The following ZNF276 variants were observed in gnomAD, a reference collection of about 807,000 sequenced individuals.
ZNF276 encodes centromere protein Z.
A neutral mutation model predicts 63.9 loss-of-function variants in ZNF276; 59 were observed. That is an observed-to-expected ratio of 0.92 (90% confidence interval 0.75 to 1.15). The LOEUF is 1.15. ZNF276 is among the 50% of genes most tolerant of loss of function. The pLI, the probability that ZNF276 is intolerant of heterozygous loss-of-function variation, is 0.00. For synonymous variants in ZNF276, 496 were observed against 348.4 expected (o/e 1.42, Z -4.72); for missense variants, 1,084 against 843.8 (o/e 1.28, Z -3.53).
rs954195050 is a variant in ZNF276 at position 89,728,619 on chromosome 16, G to T, written c.1086-616G>T. Reference sequence around the variant, plus strand: ...GGGTTTCACTTTGTTAGCCGGGATGGTCTTGATCTCCTGACCTCGTGATCC... The same window carrying T: ...GGGTTTCACTTTGTTAGCCGGGATGTTCTTGATCTCCTGACCTCGTGATCC... On this transcript the variant is annotated intron_variant, in intron 5 of 10. Coordinates refer to ENST00000443381, the MANE Select transcript of ZNF276 (RefSeq NM_001113525.2). Among the ~76,000 whole-genome samples, 12 of 151,978 alleles carry T rather than the reference G, an allele frequency of 7.9e-5. 1 individual carries two copies. The highest frequency in any genetic ancestry group is 5.9e-4 in the Admixed American group (9 of 15,256).
Position 89,740,770 on chromosome 16 carries a change from G to A in ZNF276, c.*2524G>A. The A allele has an allele frequency of 1.2e-6, 2 of 1,602,312 alleles. No homozygotes were observed. Among genetic ancestry groups the A allele is most frequent in the Non-Finnish European group, 1.7e-6 (2 of 1,170,618 alleles). On this transcript the variant is annotated 3_prime_UTR_variant, in exon 11 of 11. Transcript: ENST00000443381. ...GGTGCCCCTGCCTGGCCCACAGTGG[G>A]AGAGGACACCTTGGCTGGTAAGGTC...
chr16:89,724,555 G>A (rs898488267), intron 4 of ZNF276, among the ~76,000 whole-genome samples: 3 of 152,202 alleles, frequency 2.0e-5, no homozygotes, highest in Admixed American at 6.5e-5. Flanking sequence ...GCTGAGGCAC[G>A]AGAATCACTT....
intron 9 of ZNF276, among the ~76,000 whole-genome samples, chr16:89,737,114 A>G (rs1472553495): frequency 6.6e-6 from 1 of 152,108 alleles, no homozygotes; most frequent in African/African-American, 2.4e-5. Context: ...CAGTACAGCA[A>G]TGCATACCCC....
At chr16:89,721,535 C>A, upstream of ZNF276, 1 of 1,200,588 alleles carries the variant, frequency 8.3e-7, no homozygotes, top group Non-Finnish European at 1.1e-6. Context: ...CGCCCCTCCC[C>A]CGCCCCGCCT....
rs777592492 is a variant in ZNF276 at position 89,738,138 on chromosome 16, G to A, written c.1737G>A (p.Leu579=). ...LNVHMSMVHP[L]TQTQDKALPL... is the part of the protein sequence containing the mutation. Reference sequence around the variant, plus strand: ...TACACATGTCCATGGTGCACCCGCTGACACAGACCCAGGACAAGGCCCTGC... The same window carrying A: ...TACACATGTCCATGGTGCACCCGCTAACACAGACCCAGGACAAGGCCCTGC... Residue 579 remains leucine (L), a synonymous_variant, in exon 11 of 11, where the codon CTG becomes CTA. Coordinates refer to ENST00000443381, the MANE Select transcript of ZNF276 (RefSeq NM_001113525.2). The A allele has an allele frequency of 9.9e-6, 16 of 1,613,558 alleles. No individual in the cohort carries two copies. In the Admixed American group the frequency reaches 2.2e-4, roughly 22 times the overall value.
chr16:89,730,694 G>A (rs556111978), intron 6 of ZNF276, among the ~76,000 whole-genome samples: 32 of 152,200 alleles, frequency 2.1e-4, no homozygotes, highest in Non-Finnish European at 3.4e-4. Context: ...CTGGGTGGTA[G>A]CAAGCATGGC....
In ZNF276 at chr16:89,739,698, C is replaced by T. The variant is rs145860920; in HGVS notation, c.*1452C>T. 7 of 1,513,806 alleles carry T rather than the reference C, an allele frequency of 4.6e-6. No homozygotes were observed. The highest frequency in any genetic ancestry group is 6.2e-6 in the Non-Finnish European group (7 of 1,126,866). The allele number at this position is 1,513,806 out of a possible 1,614,324, so 93.8% of individuals were successfully genotyped here. On this transcript the variant is annotated 3_prime_UTR_variant, in exon 11 of 11. Transcript: ENST00000443381. ...GGCGAACAGCCTGAGCTGAGGATACCCAGGTACCTGTCAGCAGCTGGGAGA... is the reference window on the plus strand; with the variant it reads ...GGCGAACAGCCTGAGCTGAGGATACTCAGGTACCTGTCAGCAGCTGGGAGA...
chr16:89,733,566 T>C lies in ZNF276; in HGVS notation c.1356+9T>C. 1 of 1,613,604 alleles carries C rather than the reference T, an allele frequency of 6.2e-7. No homozygotes were observed. Reference sequence around the variant, plus strand: ...GCGCTGACGGCATGAAGGTGAGCACTGGCTGTGCCTGACCCAGGCCCGGCA... The same window carrying C: ...GCGCTGACGGCATGAAGGTGAGCACCGGCTGTGCCTGACCCAGGCCCGGCA... On this transcript the variant is annotated intron_variant, in intron 8 of 10. Coordinates refer to ENST00000443381, the MANE Select transcript of ZNF276 (RefSeq NM_001113525.2).
At chr16:89,730,307 G>A (rs1291995799) in intron 6 of ZNF276, among the ~76,000 whole-genome samples, 16 of 152,122 alleles carry the variant, frequency 1.1e-4, no homozygotes, top group Admixed American at 4.6e-4. Context: ...TGGGAGTGCC[G>A]CCTGAGGCTG....
At chr16:89,723,752 C>A in intron 4 of ZNF276, 43 bp downstream of exon 4, 1 of 1,564,994 alleles carries the variant, frequency 6.4e-7, no homozygotes, top group South Asian at 1.1e-5. Flanking sequence ...GATGTGTGCT[C>A]CTCAGTGGGG....
rs1481270156 is a variant in ZNF276, at chr16:89,739,779, C to CCGA, written c.*1534_*1535insGAC. 6.8e-7 allele frequency: 1 copy of CCGA among 1,470,300 alleles called. No individual in the cohort carries two copies. Among genetic ancestry groups the CCGA allele is most frequent in the African/African-American group, 1.4e-5 (1 of 71,184 alleles). 91.1% of individuals were successfully genotyped at this position (1,470,300 alleles called of 1,614,324 possible). A position where few individuals can be genotyped will look rare whatever the true frequency, so the allele number is the denominator to read the frequency against. Reference sequence around the variant, plus strand: ...TGGGTGTGGTGCAGAGAGAGGCAGTCCCCATGATAGGCCCATTGGTCCTGG... The same window carrying CCGA: ...TGGGTGTGGTGCAGAGAGAGGCAGTCCGACCCATGATAGGCCCATTGGTCCTGG... On this transcript the variant is annotated 3_prime_UTR_variant, in exon 11 of 11. Coordinates refer to ENST00000443381, the MANE Select transcript of ZNF276 (RefSeq NM_001113525.2).
At chr16:89,725,995 G>A (rs1256912236) in intron 4 of ZNF276, among the ~76,000 whole-genome samples, 3 of 151,926 alleles carry the variant, frequency 2.0e-5, no homozygotes, top group Non-Finnish European at 2.9e-5. Flanking sequence ...TCGCTCTGTC[G>A]CCACCAGGCC....
In ZNF276 at chr16:89,723,440, C is replaced by T. The variant is rs1245386436; in HGVS notation, c.737C>T (p.Ser246Phe). The change falls in exon 4 of 11, where the codon TCC (serine) becomes TTC (phenylalanine). Residue 246 changes from serine to phenylalanine, a missense_variant. Physicochemically the swap from Ser to Phe is radical, Grantham distance 155 (BLOSUM62 -2). Coordinates refer to ENST00000443381, the MANE Select transcript of ZNF276 (RefSeq NM_001113525.2). ...QGHDYTMDTS[S>F]SCKAFLLDSA... ...CACGACTACACCATGGATACCAGCT[C>T]CAGCTGCAAGGCCTTCTTGCTGGAC... is the stretch of plus-strand genomic sequence containing the variant. The T allele has an allele frequency of 1.2e-6, 2 of 1,613,076 alleles. No homozygotes were observed. Among genetic ancestry groups the T allele is most frequent in the Admixed American group, 1.7e-5 (1 of 60,028 alleles).
chr16:89,727,684 C>G (rs931477027), intron 5 of ZNF276, among the ~76,000 whole-genome samples: 1 of 152,182 alleles, frequency 6.6e-6, no homozygotes, highest in African/African-American at 2.4e-5. Context: ...CCAGAGGGAG[C>G]CTGATAGGGT....
At position 89,740,157 on chromosome 16, in the gene ZNF276, GA is replaced by G. The variant is rs1351452695; in HGVS notation, c.*1912del. The G allele has an allele frequency of 3.0e-6, 4 of 1,351,156 alleles. No individual in the cohort carries two copies. The East Asian group carries it at 6.9e-5, about 23-fold the overall frequency. The allele number at this position is 1,351,156 out of a possible 1,614,324, so 83.7% of individuals were successfully genotyped here. A position where few individuals can be genotyped will look rare whatever the true frequency, so the allele number is the denominator to read the frequency against. On this transcript the variant is annotated 3_prime_UTR_variant, in exon 11 of 11. Coordinates refer to ENST00000443381, the MANE Select transcript of ZNF276 (RefSeq NM_001113525.2). ...GCCGACCTGGTGCTCCCATGGGTAG[GA>G]GGGTACAGCCCTCAGCACAGAAGAG...
At chr16:89,724,755 G>C (rs967024854) in intron 4 of ZNF276, among the ~76,000 whole-genome samples, 2 of 152,212 alleles carry the variant, frequency 1.3e-5, no homozygotes, top group African/African-American at 4.8e-5. Context: ...TCACATCTTA[G>C]AGCTGCTTGG....
At chr16:89,732,099 T>C (rs757394228) in intron 6 of ZNF276, 1 of 152,248 alleles carries the variant, frequency 6.6e-6, no homozygotes, top group Non-Finnish European at 1.5e-5. Context: ...GAAGTTCCTT[T>C]CTGTTCTTGA....
In ZNF276 at chr16:89,737,816, C is replaced by G; in HGVS notation, c.1485C>G (p.Asn495Lys). ...ACTCTCCCCTCTCAGAGGTGCGGAA[C>G]TATATCTGTGACGAATGTGGACAAA... ...HVKLIHTEVR[N>K]YICDECGQTF... is the part of the protein sequence containing the mutation. The change falls in exon 10 of 11, where the codon AAC becomes AAG. Residue 495 changes from asparagine (N) to lysine (K), a missense_variant. Coordinates refer to ENST00000443381, the MANE Select transcript of ZNF276 (RefSeq NM_001113525.2). 1 of 1,614,186 alleles carries G rather than the reference C, an allele frequency of 6.2e-7. No homozygotes were observed. Among genetic ancestry groups the G allele is most frequent in the Non-Finnish European group, 8.5e-7 (1 of 1,180,034 alleles).
intron 9 of ZNF276, 109 bp downstream of exon 9, chr16:89,734,147 G>GGT: frequency 1.0e-6 from 1 of 982,596 alleles, no homozygotes; most frequent in Non-Finnish European, 1.5e-6. Context: ...GGTGCGTGAA[G>GGT]GTGGCTCATG....
Sources: gnomAD v4.1 joint callset for allele counts (sites outside exome capture counted in the v4.1 genomes callset) on GRCh38, gnomAD v4.1.1 for gene constraint, MANE v1.5 for transcripts, NCBI Gene and HGNC (gene_info 2026-07-23, HGNC 2026-07-21) for gene names.